The following TLL1 variants were observed in gnomAD, a reference collection of about 807,000 sequenced individuals.
TLL1 encodes the protein tolloid-like protein 1.
A neutral mutation model predicts 128.2 loss-of-function variants in TLL1; 49 were observed. The observed-to-expected ratio is 0.38, with a 90% CI of 0.30 to 0.48. The LOEUF is 0.48. Among genes scored for constraint, TLL1 ranks in the 20% least tolerant of loss-of-function variants. The pLI, the probability that TLL1 is intolerant of heterozygous loss-of-function variation, is 0.96. For synonymous variants in TLL1, 454 were observed against 418.8 expected (o/e 1.08, Z -1.03); for missense variants, 1,123 against 1,242.0 (o/e 0.90, Z 1.44).
intron 15 of TLL1, among the ~76,000 whole-genome samples, chr4:166,061,698 C>T (rs1560844665): frequency 6.6e-6 from 1 of 152,152 alleles, no homozygotes; most frequent in East Asian, 1.9e-4. Flanking sequence ...TGAACTTTTG[C>T]TGTGCAGAAG....
At chr4:165,979,646 G>A (rs1736057926) in intron 1 of TLL1, among the ~76,000 whole-genome samples, 1 of 152,044 alleles carries the variant, frequency 6.6e-6, no homozygotes, top group Admixed American at 6.6e-5. Context: ...AAATTTGCCA[G>A]GCATGGTGCT....
chr4:165,985,938 A>G (rs74999829), intron 1 of TLL1, among the ~76,000 whole-genome samples: 1 of 152,024 alleles, frequency 6.6e-6, no homozygotes, highest in East Asian at 1.9e-4. Flanking sequence ...TAAGAATCCA[A>G]GCAGAATTCC....
At chr4:165,906,827 GTTTTTTTT>G (rs372917139) in intron 1 of TLL1, among the ~76,000 whole-genome samples, 2 of 114,280 alleles carry the variant, frequency 1.8e-5, no homozygotes, top group Admixed American at 8.8e-5. Flanking sequence ...TATTTCTCCA[GTTTTTTTT>G]TTTTTTTTTT....
At chr4:166,087,240 T>C (rs1741564530) in intron 18 of TLL1, among the ~76,000 whole-genome samples, 2 of 152,190 alleles carry the variant, frequency 1.3e-5, no homozygotes, top group Admixed American at 6.6e-5. Flanking sequence ...AGTTTTGGAG[T>C]TCTGCTATAT....
chr4:165,959,682 AG>A (rs1403158051), intron 1 of TLL1, among the ~76,000 whole-genome samples: 1 of 152,160 alleles, frequency 6.6e-6, no homozygotes, highest in Admixed American at 6.6e-5. Context: ...AACAAATAAC[AG>A]GAGTATCTTT....
intron 7 of TLL1, among the ~76,000 whole-genome samples, chr4:166,010,808 G>A (rs975268474): frequency 1.3e-5 from 2 of 150,822 alleles, no homozygotes; most frequent in African/African-American, 4.9e-5. Flanking sequence ...AATGCATTGA[G>A]TTAATTTTTT....
chr4:165,926,148 A>G (rs1266866115), intron 1 of TLL1, among the ~76,000 whole-genome samples: 1 of 152,146 alleles, frequency 6.6e-6, no homozygotes, highest in East Asian at 1.9e-4. Flanking sequence ...TATGGTATTT[A>G]ATGAGATTTG....
intron 8 of TLL1, among the ~76,000 whole-genome samples, chr4:166,022,221 GTGATGCAATAT>G (rs1350754845): frequency 6.6e-6 from 1 of 150,988 alleles, no homozygotes; most frequent in African/African-American, 2.4e-5. Context: ...CTGGAGTGCA[GTGATGCAATAT>G]GGGCTTACTG....
At chr4:165,876,834 G>A (rs1246239427) in intron 1 of TLL1, among the ~76,000 whole-genome samples, 1 of 152,224 alleles carries the variant, frequency 6.6e-6, no homozygotes, top group Non-Finnish European at 1.5e-5. Context: ...TTTACCAGGA[G>A]TCCAGACTAC....
rs553564441 is a variant in TLL1 at position 166,005,627 on chromosome 4, G to A, written c.811+2058G>A. 3.3e-4 allele frequency among the ~76,000 whole-genome samples: 50 copies of A among 151,928 alleles called. No homozygotes were observed. In the South Asian group the frequency reaches 5.6e-3, roughly 17 times the overall value. On this transcript the variant is annotated intron_variant, in intron 6 of 20. Coordinates refer to ENST00000061240, the MANE Select transcript of TLL1 (RefSeq NM_012464.5). ...ATGAATGAGCCGACTATCAAGATTCGTCCTATATACCACTAGGAGGGAAAT... is the reference window on the plus strand; with the variant it reads ...ATGAATGAGCCGACTATCAAGATTCATCCTATATACCACTAGGAGGGAAAT...
chr4:165,881,617 A>C (rs1561003698), intron 1 of TLL1, among the ~76,000 whole-genome samples: 1 of 152,268 alleles, frequency 6.6e-6, no homozygotes, highest in Non-Finnish European at 1.5e-5. Flanking sequence ...CATGGAGTTT[A>C]GTGCAGGGCC....
At chr4:165,887,418 A>G (rs1191247705) in intron 1 of TLL1, among the ~76,000 whole-genome samples, 5 of 152,142 alleles carry the variant, frequency 3.3e-5, no homozygotes. Context: ...GAAGGTCAAG[A>G]AAGTAAAAGA....
chr4:165,882,141 A>C (rs1214706042), intron 1 of TLL1, among the ~76,000 whole-genome samples: 1 of 152,198 alleles, frequency 6.6e-6, no homozygotes, highest in East Asian at 1.9e-4. Flanking sequence ...CTAAAAGCCT[A>C]AGGTCAAATG....
chr4:165,911,573 A>G (rs1732531033), intron 1 of TLL1, among the ~76,000 whole-genome samples: 1 of 152,116 alleles, frequency 6.6e-6, no homozygotes, highest in Non-Finnish European at 1.5e-5. Flanking sequence ...GAAAGCAGTG[A>G]TTTATTTTGG....
At position 165,893,844 on chromosome 4, in the gene TLL1, A is replaced by G. The variant is rs114294253; in HGVS notation, c.169+19771A>G. On this transcript the variant is annotated intron_variant, in intron 1 of 20. Transcript: ENST00000061240. ...CACTCTGGTCCCACCTAAAAAAGCT[A>G]GAAAAAAATACAGAAGGGATCCAAG... Among the ~76,000 whole-genome samples, 1,342 of 152,260 alleles carry G rather than the reference A, an allele frequency of 8.8e-3. 22 individuals carry two copies. Among genetic ancestry groups the G allele is most frequent in the African/African-American group, 0.03 (1,264 of 41,574 alleles).
chr4:165,964,329 T>C (rs549911523), intron 1 of TLL1, among the ~76,000 whole-genome samples: 3 of 152,320 alleles, frequency 2.0e-5, no homozygotes, highest in African/African-American at 4.8e-5. Flanking sequence ...TAGTTACACA[T>C]AGTAAGTTAG....
At chr4:165,882,391 C>G (rs1257811444) in intron 1 of TLL1, among the ~76,000 whole-genome samples, 1 of 152,084 alleles carries the variant, frequency 6.6e-6, no homozygotes, top group Non-Finnish European at 1.5e-5. Flanking sequence ...TCTGGTAAAA[C>G]AGGCTTCTCA....
chr4:166,052,352 G>A (rs745609527), intron 12 of TLL1, among the ~76,000 whole-genome samples: 7 of 152,130 alleles, frequency 4.6e-5, no homozygotes, highest in Non-Finnish European at 8.8e-5. Context: ...CTGGAGTGCA[G>A]TGGCACGATC....
chr4:165,878,884 T>G (rs1463773289), intron 1 of TLL1, among the ~76,000 whole-genome samples: 2 of 150,352 alleles, frequency 1.3e-5, no homozygotes, highest in Non-Finnish European at 3.0e-5. Flanking sequence ...GTTAACATAA[T>G]TCCACAGCTT....
Sources: gnomAD v4.1 joint callset for allele counts (sites outside exome capture counted in the v4.1 genomes callset) on GRCh38, gnomAD v4.1.1 for gene constraint, MANE v1.5 for transcripts, NCBI Gene and HGNC (gene_info 2026-07-23, HGNC 2026-07-21) for gene names.